Variants in CCDC149 observed in about 807,000 individuals in gnomAD.
CCDC149 encodes the protein coiled-coil domain-containing protein 149.
CCDC149 carries 45 observed loss-of-function variants against 59.9 expected under a neutral mutation model. That is an observed-to-expected ratio of 0.75 (90% CI 0.59 to 0.96). CCDC149 has a LOEUF of 0.96. Among genes scored for constraint, CCDC149 ranks in the 40% least tolerant of loss-of-function variants. CCDC149 has a pLI of 0.00. For synonymous variants in CCDC149, 245 were observed against 260.6 expected, an observed-to-expected ratio of 0.94 and a Z score of 0.58; for missense variants, 584 against 664.7, an observed-to-expected ratio of 0.88 and a Z score of 1.33.
At chr4:24,840,621 G>A (rs893657379) in intron 4 of CCDC149, among the ~76,000 whole-genome samples, 1 of 152,040 alleles carries the variant, frequency 6.6e-6, no homozygotes, top group African/African-American at 2.4e-5. Flanking sequence ...TCACATTTTT[G>A]TGCTTTTCAC....
chr4:24,868,362 C>A (rs943922176), intron 3 of CCDC149, among the ~76,000 whole-genome samples: 1 of 152,136 alleles, frequency 6.6e-6, no homozygotes, highest in African/African-American at 2.4e-5. Context: ...AATAAACTAA[C>A]AGTAAATAAA....
At chr4:24,950,573 C>A (rs1468215958) in intron 1 of CCDC149, among the ~76,000 whole-genome samples, 1 of 152,190 alleles carries the variant, frequency 6.6e-6, no homozygotes, top group African/African-American at 2.4e-5. Context: ...AGATTTAAAT[C>A]TAAACCCTGC....
chr4:24,810,369 A>G (rs1182138316), intron 12 of CCDC149, among the ~76,000 whole-genome samples: 2 of 152,226 alleles, frequency 1.3e-5, no homozygotes, highest in East Asian at 1.9e-4. Context: ...ATCCAGCTCA[A>G]TGAATTTTCA....
intron 1 of CCDC149, among the ~76,000 whole-genome samples, chr4:24,935,031 A>G (rs983429477): frequency 6.6e-6 from 1 of 152,196 alleles, no homozygotes; most frequent in African/African-American, 2.4e-5. Flanking sequence ...CATGTAGAAA[A>G]TGGATTAGAG....
Position 24,942,953 on chromosome 4 carries a change from G to C in CCDC149, c.-65+37116C>G, listed in dbSNP as rs562189972. On this transcript the variant is annotated intron_variant, in intron 1 of 12. Coordinates refer to the CCDC149 transcript ENST00000389609. ...CTCATGGGTAGGAAGAATCAATATC[G>C]TGAAAATGGCCATACTGCCCAAGGT... Among the ~76,000 whole-genome samples the C allele has an allele frequency of 4.0e-5, 6 of 151,404 alleles. No homozygotes were observed. The South Asian group carries it at 1.3e-3, about 32-fold the overall frequency.
chr4:24,885,854 T>C (rs2695225), intron 1 of CCDC149, among the ~76,000 whole-genome samples: 2 of 152,230 alleles, frequency 1.3e-5, no homozygotes, highest in Non-Finnish European at 1.5e-5. Context: ...TAGTATTTTT[T>C]TGAATATCTA....
chr4:24,822,615 C>T (rs1163252261), intron 9 of CCDC149, 42 bp from the exon 10 acceptor site: 2 of 1,416,260 alleles, frequency 1.4e-6, no homozygotes, highest in Non-Finnish European at 9.6e-7. Flanking sequence ...ACTGAGCATC[C>T]TGTCAGCCCC....
chr4:24,852,685 TA>T (rs1717738495), intron 4 of CCDC149, among the ~76,000 whole-genome samples: 1 of 152,216 alleles, frequency 6.6e-6, no homozygotes, highest in African/African-American at 2.4e-5. Context: ...GATGACTACT[TA>T]AAATTCAAAA....
At chr4:24,824,576 A>G (rs185899112) in intron 9 of CCDC149, among the ~76,000 whole-genome samples, 31 of 152,328 alleles carry the variant, frequency 2.0e-4, no homozygotes, top group Non-Finnish European at 3.5e-4. Flanking sequence ...ACTGTAAGAA[A>G]CAGAGAGGTT....
intron 3 of CCDC149, among the ~76,000 whole-genome samples, chr4:24,862,508 T>G (rs1162742932): frequency 6.6e-6 from 1 of 152,218 alleles, no homozygotes; most frequent in Admixed American, 6.5e-5. Flanking sequence ...GTTTGTCCCC[T>G]TCTCTCTCAT....
intron 2 of CCDC149, among the ~76,000 whole-genome samples, 172 bp from the exon 3 acceptor site, chr4:24,873,891 C>T (rs1719216232): frequency 8.0e-6 from 1 of 125,764 alleles, no homozygotes; most frequent in African/African-American, 3.0e-5. Flanking sequence ...TAACTACAAA[C>T]TGAACCAGAG....
upstream of CCDC149, among the ~76,000 whole-genome samples, chr4:24,916,962 G>A (rs1362286525): frequency 1.3e-5 from 2 of 152,122 alleles, no homozygotes; most frequent in Non-Finnish European, 2.9e-5. Context: ...TGCAGGTCCT[G>A]GTGAGTGCCA....
At chr4:24,883,211 T>C (rs1329904247) in intron 1 of CCDC149, among the ~76,000 whole-genome samples, 1 of 151,840 alleles carries the variant, frequency 6.6e-6, no homozygotes, top group Non-Finnish European at 1.5e-5. Context: ...TTCTTTTTTT[T>C]TTTTTTAAAG....
chr4:24,865,899 G>C (rs530310268), intron 3 of CCDC149, among the ~76,000 whole-genome samples: 1 of 152,276 alleles, frequency 6.6e-6, no homozygotes, highest in South Asian at 2.1e-4. Flanking sequence ...TAAAGTTGCT[G>C]TTGTTATGAT....
At chr4:24,952,689 A>T (rs1723351410) in intron 1 of CCDC149, among the ~76,000 whole-genome samples, 1 of 140,972 alleles carries the variant, frequency 7.1e-6, no homozygotes, top group African/African-American at 2.6e-5. Context: ...CATAACAAAA[A>T]ATTTACCCTC....
At chr4:24,938,766 GGGTCCTA>G (rs1283892120) in intron 1 of CCDC149, among the ~76,000 whole-genome samples, 1 of 152,248 alleles carries the variant, frequency 6.6e-6, no homozygotes, top group African/African-American at 2.4e-5. Context: ...ATGGCTCGGA[GGGTCCTA>G]CGCCCACGGA....
At chr4:24,883,101 C>T (rs954301534) in intron 1 of CCDC149, among the ~76,000 whole-genome samples, 2 of 152,158 alleles carry the variant, frequency 1.3e-5, no homozygotes, top group African/African-American at 2.4e-5. Flanking sequence ...AAGTGACCTG[C>T]CCAGTTGCAA....
In CCDC149 at chr4:24,808,484, A is replaced by G. The variant is rs902852423; in HGVS notation, c.1528T>C (p.Phe510Leu). The change falls in exon 13 of 13, where the codon TTC (phenylalanine) becomes CTC (leucine). Residue 510 changes from phenylalanine to leucine, a missense_variant. Coordinates refer to ENST00000635206, the MANE Select transcript of CCDC149 (RefSeq NM_001330643.2). ...TTGGCTGCTGGCCGGCTGGCCTCGAAGGAGTCCAGGTGAGATTTAGGGAGC... is the reference window on the plus strand; with the variant it reads ...TTGGCTGCTGGCCGGCTGGCCTCGAGGGAGTCCAGGTGAGATTTAGGGAGC... 2 of 1,485,006 alleles carry G rather than the reference A, an allele frequency of 1.3e-6. No homozygotes were observed. The highest frequency in any genetic ancestry group is 2.5e-5 in the East Asian group (1 of 40,336). The allele number at this position is 1,485,006 out of a possible 1,614,324, so 92.0% of individuals were successfully genotyped here. A position where few individuals can be genotyped will look rare whatever the true frequency, so the allele number is the denominator to read the frequency against.
intron 2 of CCDC149, among the ~76,000 whole-genome samples, chr4:24,875,669 G>A (rs1039305028): frequency 2.6e-5 from 4 of 152,030 alleles, no homozygotes; most frequent in African/African-American, 9.7e-5. Context: ...AATGCTGTCT[G>A]TATACACTGT....
Sources: allele counts gnomAD v4.1 joint callset (sites outside exome capture counted in the v4.1 genomes callset), GRCh38; gene constraint gnomAD v4.1.1; transcripts MANE v1.5; gene names NCBI Gene and HGNC (gene_info 2026-07-23, HGNC 2026-07-21).